IRAK2: variants seen among roughly 807,000 people sequenced by gnomAD.
IRAK2 encodes interleukin-1 receptor-associated kinase-like 2.
Under a neutral mutation model 72.0 loss-of-function variants are expected in IRAK2, and 57 were observed. The observed-to-expected ratio is 0.79, with a 90% CI of 0.64 to 0.99. The LOEUF is 0.99. IRAK2 is among the 50% of genes least tolerant of loss of function. IRAK2 has a pLI of 0.00. For synonymous variants in IRAK2, 293 were observed against 312.7 expected (o/e 0.94, Z 0.67); for missense variants, 790 against 794.4 (o/e 0.99, Z 0.07).
intron 1 of IRAK2, among the ~76,000 whole-genome samples, chr3:10,166,925 T>A (rs1575947249): frequency 6.6e-6 from 1 of 152,272 alleles, no homozygotes; most frequent in African/African-American, 2.4e-5. Context: ...ATTACAGGCG[T>A]GAGCCACTGC....
rs201790421 is a variant in IRAK2 at position 10,234,634 on chromosome 3, G to A, written c.1448G>A (p.Arg483Gln). The change falls in exon 11 of 13, where the codon CGG (arginine) becomes CAG (glutamine). Residue 483 changes from arginine to glutamine, a missense_variant. Arg to Gln is a conservative substitution (Grantham distance 43, BLOSUM62 1). Transcript: ENST00000256458. Reference protein sequence around the residue: ...ALATAACLCLRRRNTSLQEVC... With the variant: ...ALATAACLCLQRRNTSLQEVC... Reference sequence around the variant, plus strand: ...GCCACGGCTGCCTGCCTGTGCCTGCGGAGGCGTAACACCAGCCTGCAGGAG... The same window carrying A: ...GCCACGGCTGCCTGCCTGTGCCTGCAGAGGCGTAACACCAGCCTGCAGGAG... The A allele has an allele frequency of 2.1e-5, 34 of 1,613,164 alleles. 1 individual carries two copies. In the African/African-American group the frequency reaches 3.6e-4, roughly 17 times the overall value.
At chr3:10,203,388 T>A (rs1163989620) in intron 3 of IRAK2, among the ~76,000 whole-genome samples, 4 of 152,250 alleles carry the variant, frequency 2.6e-5, no homozygotes, top group Non-Finnish European at 5.9e-5. Flanking sequence ...GGAAGTTGAT[T>A]GTCTATCTTT....
intron 11 of IRAK2, 53 bp downstream of exon 11, chr3:10,234,712 C>T (rs1697924605): frequency 2.7e-6 from 4 of 1,505,524 alleles, no homozygotes; most frequent in South Asian, 1.1e-5. Context: ...GGGTCCACCT[C>T]ATCGGGGACG....
intron 10 of IRAK2, among the ~76,000 whole-genome samples, chr3:10,226,996 A>G (rs1024528356): frequency 1.3e-5 from 2 of 151,562 alleles, no homozygotes; most frequent in Non-Finnish European, 2.9e-5. Flanking sequence ...AAGCACTTGT[A>G]TAAAAGAGAA....
chr3:10,170,787 C>CT (rs1488011348), intron 1 of IRAK2, among the ~76,000 whole-genome samples: 2 of 152,218 alleles, frequency 1.3e-5, no homozygotes, highest in East Asian at 3.9e-4. Flanking sequence ...GGCCTGGAGC[C>CT]TTTGGTCAGC....
chr3:10,240,635 T>C (rs1698043228), intron 12 of IRAK2, among the ~76,000 whole-genome samples: 2 of 139,500 alleles, frequency 1.4e-5, no homozygotes, highest in South Asian at 2.6e-4. Flanking sequence ...TCTTGGCTTA[T>C]GGCAGCCTCC....
At chr3:10,233,967 A>G (rs911820867) in intron 10 of IRAK2, among the ~76,000 whole-genome samples, 2 of 152,044 alleles carry the variant, frequency 1.3e-5, no homozygotes, top group Non-Finnish European at 2.9e-5. Flanking sequence ...GGTTCAAGCA[A>G]TTCCTCTGCC....
chr3:10,165,336 T>TG, intron 1 of IRAK2, among the ~76,000 whole-genome samples: 1 of 152,066 alleles, frequency 6.6e-6, no homozygotes, highest in Non-Finnish European at 1.5e-5. Context: ...GCTGGCTCGG[T>TG]GACGTCCCCA....
intron 10 of IRAK2, among the ~76,000 whole-genome samples, chr3:10,233,073 G>A (rs1210204015): frequency 2.6e-5 from 4 of 151,878 alleles, no homozygotes; most frequent in South Asian, 2.1e-4. Flanking sequence ...ATTTTGAGAC[G>A]GAGTCTCACT....
chr3:10,166,597 G>A (rs1696692220), intron 1 of IRAK2, among the ~76,000 whole-genome samples: 1 of 147,998 alleles, frequency 6.8e-6, no homozygotes, highest in South Asian at 2.1e-4. Flanking sequence ...TAAAAGCACT[G>A]ACACCTAAGT....
At chr3:10,191,164 G>A (rs914612347) in intron 2 of IRAK2, among the ~76,000 whole-genome samples, 3 of 152,026 alleles carry the variant, frequency 2.0e-5, no homozygotes, top group African/African-American at 7.2e-5. Context: ...GCGTGGTGGC[G>A]GGTGCCTGTA....
intron 10 of IRAK2, among the ~76,000 whole-genome samples, chr3:10,232,227 GCC>G (rs1697873017): frequency 6.6e-6 from 1 of 152,220 alleles, no homozygotes; most frequent in African/African-American, 2.4e-5. Context: ...TAGGTCATTT[GCC>G]CTATGTAGAC....
In IRAK2 at chr3:10,174,063, C is replaced by T. The variant is rs542988658; in HGVS notation, c.95-3775C>T. On this transcript the variant is annotated intron_variant, in intron 1 of 12. Coordinates refer to ENST00000256458, the MANE Select transcript of IRAK2 (RefSeq NM_001570.4). ...GCCCTGGGCTTCTGTTTTCCCATTA[C>T]GTCATGCTGCCTCCCAAGATGGGAG... 1.1e-4 allele frequency among the ~76,000 whole-genome samples: 16 copies of T among 152,256 alleles called. No homozygotes were observed. In the South Asian group the frequency reaches 2.5e-3, roughly 24 times the overall value.
chr3:10,172,439 G>A (rs533076677), intron 1 of IRAK2, among the ~76,000 whole-genome samples: 2 of 151,570 alleles, frequency 1.3e-5, no homozygotes, highest in Non-Finnish European at 2.9e-5. Context: ...TCGGGAGGCT[G>A]AGGCAGGAGA....
chr3:10,191,088 A>T (rs1372871088), intron 2 of IRAK2, among the ~76,000 whole-genome samples: 2 of 152,140 alleles, frequency 1.3e-5, no homozygotes, highest in South Asian at 2.1e-4. Flanking sequence ...AGGTCAGGAG[A>T]TCGAGACCAT....
chr3:10,230,124 A>C (rs6771400), intron 10 of IRAK2, among the ~76,000 whole-genome samples: 7,141 of 152,180 alleles, frequency 0.047, 387 homozygotes, highest in African/African-American at 0.13. Context: ...AAATTGAAAA[A>C]GACATGTATG....
intron 3 of IRAK2, among the ~76,000 whole-genome samples, chr3:10,204,160 G>A (rs984007459): frequency 2.6e-5 from 4 of 152,198 alleles, no homozygotes; most frequent in East Asian, 3.9e-4. Flanking sequence ...TGACCTTTGT[G>A]CTCTATAAAC....
chr3:10,194,702 T>C (rs1463588652), intron 2 of IRAK2, among the ~76,000 whole-genome samples: 1 of 152,166 alleles, frequency 6.6e-6, no homozygotes, highest in Admixed American at 6.5e-5. Context: ...GGGACAGGCA[T>C]GCATGGGCCT....
chr3:10,200,635 A>G, intron 3 of IRAK2, 120 bp downstream of exon 3: 1 of 807,506 alleles, frequency 1.2e-6, no homozygotes, highest in Non-Finnish European at 1.8e-6. Context: ...ATGGTGGCCC[A>G]TGCCTATAAT....
Sources: allele counts gnomAD v4.1 joint callset (sites outside exome capture counted in the v4.1 genomes callset), GRCh38; gene constraint gnomAD v4.1.1; transcripts MANE v1.5; gene names NCBI Gene and HGNC (gene_info 2026-07-23, HGNC 2026-07-21).